DNM3: variants seen among roughly 807,000 people sequenced by gnomAD.
DNM3 encodes the protein dynamin 3, also known as dynamin-3.
DNM3 carries 47 observed loss-of-function variants against 101.6 expected under a neutral mutation model. That is an observed-to-expected ratio of 0.46 (90% CI 0.37 to 0.59). The LOEUF is 0.59. DNM3 is among the 20% of genes least tolerant of loss of function. The pLI is 0.00. For missense variants in DNM3, 849 were observed against 1,085.7 expected (o/e 0.78, Z 3.06); for synonymous variants, 385 against 387.9 (o/e 0.99, Z 0.09).
At position 171,989,163 on chromosome 1, in the gene DNM3, A is replaced by G. The variant is rs777381933; in HGVS notation, c.589+15A>G. Reference sequence around the variant, plus strand: ...TGATCCTCAAGGTGAGTGTGTGACTACTAAGATGAGAAGGAATTAAAGTGT... The same window carrying G: ...TGATCCTCAAGGTGAGTGTGTGACTGCTAAGATGAGAAGGAATTAAAGTGT... On this transcript the variant is annotated intron_variant, in intron 4 of 20. Transcript: ENST00000627582. The G allele has an allele frequency of 4.4e-6, 7 of 1,608,504 alleles. No individual in the cohort carries two copies. The highest frequency in any genetic ancestry group is 1.3e-5 in the African/African-American group (1 of 74,962).
intron 4 of DNM3, among the ~76,000 whole-genome samples, chr1:172,029,466 G>A (rs895378362): frequency 1.3e-5 from 2 of 152,090 alleles, no homozygotes; most frequent in Non-Finnish European, 2.9e-5. Flanking sequence ...ATGGGCAAAA[G>A]CTGGAAGAAT....
intron 9 of DNM3, among the ~76,000 whole-genome samples, chr1:172,046,761 T>C (rs2049845286): frequency 6.6e-6 from 1 of 152,144 alleles, no homozygotes; most frequent in Admixed American, 6.5e-5. Flanking sequence ...ATACATTTGG[T>C]GTAGAAACTG....
At chr1:172,253,706 T>C in intron 15 of DNM3, 24 bp downstream of exon 15, 1 of 1,484,564 alleles carries the variant, frequency 6.7e-7, no homozygotes, top group Non-Finnish European at 9.1e-7. Flanking sequence ...ACAGTTCCTG[T>C]CTTCAGATTT....
chr1:172,232,489 A>G (rs2061377423), intron 14 of DNM3, among the ~76,000 whole-genome samples: 1 of 152,166 alleles, frequency 6.6e-6, no homozygotes, highest in Admixed American at 6.5e-5. Context: ...CGAGACAGAA[A>G]GTTAACAAGG....
chr1:172,046,697 C>T lies in DNM3; in HGVS notation c.1197-1915C>T, dbSNP rs994241863. 2.6e-5 allele frequency among the ~76,000 whole-genome samples: 4 copies of T among 152,060 alleles called. No homozygotes were observed. The South Asian group carries it at 8.3e-4, about 31-fold the overall frequency. On this transcript the variant is annotated intron_variant, in intron 9 of 20. Transcript: ENST00000627582. ...ACCAAATCTAACGTTTTTTCTTTTA[C>T]CATCGATAGGATTTCTAAGCTCCCT...
At chr1:171,910,268 A>G (rs575494285) in intron 1 of DNM3, among the ~76,000 whole-genome samples, 28 of 152,354 alleles carry the variant, frequency 1.8e-4, no homozygotes, top group African/African-American at 5.5e-4. Context: ...CCCATGGTCA[A>G]TTGCGGTCTG....
intron 14 of DNM3, among the ~76,000 whole-genome samples, chr1:172,150,232 G>A (rs748422025): frequency 1.8e-4 from 28 of 152,154 alleles, no homozygotes; most frequent in Non-Finnish European, 3.8e-4. Context: ...TTCTATTCAT[G>A]CCATCATGGA....
intron 14 of DNM3, among the ~76,000 whole-genome samples, chr1:172,177,852 T>C (rs1300690622): frequency 1.3e-5 from 2 of 151,998 alleles, no homozygotes; most frequent in Non-Finnish European, 2.9e-5. Context: ...ATCCTCAGTA[T>C]TATCCTGTGG....
chr1:172,044,553 T>A, intron 9 of DNM3, 101 bp downstream of exon 9: 3 of 960,050 alleles, frequency 3.1e-6, no homozygotes, highest in Non-Finnish European at 4.7e-6. Context: ...TTGAATAGGG[T>A]AGAATACAGA....
chr1:172,349,693 CCT>C (rs1558029481), intron 17 of DNM3, among the ~76,000 whole-genome samples: 2 of 151,994 alleles, frequency 1.3e-5, no homozygotes, highest in Non-Finnish European at 2.9e-5. Context: ...AACTTCATCC[CCT>C]GAGTTGAATT....
At chr1:172,383,243 G>T (rs1573680482) in intron 18 of DNM3, among the ~76,000 whole-genome samples, 1 of 152,096 alleles carries the variant, frequency 6.6e-6, no homozygotes, top group Non-Finnish European at 1.5e-5. Context: ...GATTAGTTTT[G>T]CCTGTTTTTG....
intron 17 of DNM3, among the ~76,000 whole-genome samples, chr1:172,329,607 A>G (rs2066095785): frequency 6.6e-6 from 1 of 152,136 alleles, no homozygotes; most frequent in African/African-American, 2.4e-5. Context: ...AAAAACAAGA[A>G]AGCTTAAACT....
chr1:172,234,317 A>G (rs2061451867), intron 14 of DNM3, among the ~76,000 whole-genome samples: 1 of 152,160 alleles, frequency 6.6e-6, no homozygotes, highest in Admixed American at 6.6e-5. Context: ...ATACCTAGGA[A>G]TCCAACTTAC....
At chr1:172,328,563 T>C (rs1302151462) in intron 17 of DNM3, among the ~76,000 whole-genome samples, 1 of 152,150 alleles carries the variant, frequency 6.6e-6, no homozygotes, top group Non-Finnish European at 1.5e-5. Flanking sequence ...CCACAGGTTC[T>C]CACTTGTAAG....
At chr1:171,873,074 T>A (rs1327174139) in intron 1 of DNM3, among the ~76,000 whole-genome samples, 1 of 152,190 alleles carries the variant, frequency 6.6e-6, no homozygotes, top group African/African-American at 2.4e-5. Context: ...GATTTGGATA[T>A]TTGTAAGATA....
chr1:172,406,835 T>C (rs1014841571), intron 20 of DNM3, among the ~76,000 whole-genome samples: 1 of 151,994 alleles, frequency 6.6e-6, no homozygotes, highest in Non-Finnish European at 1.5e-5. Flanking sequence ...AGAAGGAGTC[T>C]TTCTGAAAAA....
intron 15 of DNM3, among the ~76,000 whole-genome samples, chr1:172,257,598 T>A (rs1000328062): frequency 2.8e-4 from 43 of 152,112 alleles, no homozygotes; most frequent in African/African-American, 9.4e-4. Flanking sequence ...ATAATATTTA[T>A]ACGTATTTAT....
intron 14 of DNM3, among the ~76,000 whole-genome samples, chr1:172,190,054 C>G (rs2059655057): frequency 6.7e-6 from 1 of 148,614 alleles, no homozygotes; most frequent in Non-Finnish European, 1.5e-5. Context: ...GGTACATGTG[C>G]ACAACGTGCA....
intron 17 of DNM3, chr1:172,338,965 C>A: frequency 2.4e-6 from 1 of 417,900 alleles, no homozygotes; most frequent in South Asian, 1.8e-5. Context: ...TAGAATTATT[C>A]TACTAAATAA....
Sources: allele counts gnomAD v4.1 joint callset (sites outside exome capture counted in the v4.1 genomes callset), GRCh38; gene constraint gnomAD v4.1.1; transcripts MANE v1.5; gene names NCBI Gene and HGNC (gene_info 2026-07-23, HGNC 2026-07-21).